Variants in LEPR observed in about 807,000 individuals in gnomAD.
LEPR encodes the protein OB receptor.
In LEPR, 56 loss-of-function variants were observed where a neutral mutation model predicts 114.7. The ratio of observed to expected loss-of-function variants is 0.49; its 90% confidence interval spans 0.39 to 0.61. The LOEUF (loss-of-function observed/expected upper bound fraction) is 0.61, where lower values mean the gene tolerates loss of function less well. LEPR is among the 20% of genes least tolerant of loss of function. The probability of loss-of-function intolerance (pLI) is 0.00; values close to 1 mark genes in which losing one functional copy is unlikely to be tolerated. For missense variants in LEPR, 1,202 were observed against 1,352.9 expected (o/e 0.89, Z 1.75); for synonymous variants, 443 against 461.4 (o/e 0.96, Z 0.51).
chr1:65,558,534 TTTTG>T (rs1653022456), intron 2 of LEPR, among the ~76,000 whole-genome samples: 5 of 60,626 alleles, frequency 8.2e-5, no homozygotes, highest in Admixed American at 2.0e-4. Context: ...AAGTTTTTTT[TTTTG>T]TTTTTTTTTT....
intron 14 of LEPR, among the ~76,000 whole-genome samples, chr1:65,613,194 T>G (rs1446493320): frequency 2.0e-5 from 3 of 152,342 alleles, no homozygotes; most frequent in Non-Finnish European, 2.9e-5. Flanking sequence ...CAATACTACT[T>G]TATTTTGTTG....
rs1018555309 is a variant in LEPR, at chr1:65,592,997, TG to T, written c.703+137del. On this transcript the variant is annotated intron_variant, in intron 6 of 19. Transcript: ENST00000349533. ...ACTGTAATGATGGTAGATGTAGTACTGGGGGTATTAAGAGTGGCTTCTAGAA... is the reference window on the plus strand; with the variant it reads ...ACTGTAATGATGGTAGATGTAGTACTGGGGTATTAAGAGTGGCTTCTAGAA... 3 of 987,844 alleles carry T rather than the reference TG, an allele frequency of 3.0e-6. No individual in the cohort carries two copies. The African/African-American group carries it at 4.9e-5, about 16-fold the overall frequency. 61.2% of individuals were successfully genotyped at this position (987,844 alleles called of 1,614,324 possible). A position where few individuals can be genotyped will look rare whatever the true frequency, so the allele number is the denominator to read the frequency against.
intron 2 of LEPR, among the ~76,000 whole-genome samples, chr1:65,515,174 C>G (rs1318692057): frequency 6.6e-6 from 1 of 152,160 alleles, no homozygotes; most frequent in Non-Finnish European, 1.5e-5. Flanking sequence ...ATAGCATGAA[C>G]AAAACCAGGA....
chr1:65,570,507 A>C lies in LEPR; in HGVS notation c.75A>C (p.Ser25=), dbSNP rs1258067883. Residue 25 remains serine, a synonymous_variant, in exon 4 of 20, where the codon TCA becomes TCC. Coordinates refer to ENST00000349533, the MANE Select transcript of LEPR (RefSeq NM_002303.6). ...ATGTGATAACTGCGTTTAACTTGTC[A>C]TATCCAATTACTCCTTGGAGATTTA... is the stretch of plus-strand genomic sequence containing the variant. ...FIYVITAFNL[S]YPITPWRFKL... is the part of the protein sequence containing the mutation. 7 of 1,613,770 alleles carry C rather than the reference A, an allele frequency of 4.3e-6. No homozygotes were observed. The African/African-American group carries it at 6.7e-5, about 15-fold the overall frequency.
At chr1:65,523,099 C>A (rs951203748) in intron 2 of LEPR, among the ~76,000 whole-genome samples, 1 of 152,118 alleles carries the variant, frequency 6.6e-6, no homozygotes, top group African/African-American at 2.4e-5. Context: ...CCTTCTCACT[C>A]GGAGCACAGT....
At chr1:65,635,668 A>G (rs1479135948) in intron 19 of LEPR, among the ~76,000 whole-genome samples, 1 of 152,160 alleles carries the variant, frequency 6.6e-6, no homozygotes, top group African/African-American at 2.4e-5. Context: ...TTATTTCACA[A>G]CATAGTTATT....
intron 2 of LEPR, among the ~76,000 whole-genome samples, chr1:65,498,719 G>A (rs1648292908): frequency 1.3e-5 from 2 of 152,054 alleles, no homozygotes; most frequent in African/African-American, 4.8e-5. Context: ...ATTCTCAAAA[G>A]CTGGAAGCCA....
chr1:65,463,571 T>A (rs980847794), intron 2 of LEPR, among the ~76,000 whole-genome samples: 2 of 152,190 alleles, frequency 1.3e-5, no homozygotes, highest in African/African-American at 4.8e-5. Context: ...AAGTCAGTGG[T>A]AGCTTGATGG....
In LEPR at chr1:65,565,532, T is replaced by A; in HGVS notation, c.-20-14T>A. ...TTTTTGTGTGTGTTCTGATTTTAGATTTACCTTTTCCAGGTGTACTTCTCT... is the reference window on the plus strand; with the variant it reads ...TTTTTGTGTGTGTTCTGATTTTAGAATTACCTTTTCCAGGTGTACTTCTCT... On this transcript the variant is annotated splice_polypyrimidine_tract_variant and intron_variant, in intron 2 of 19. Coordinates refer to ENST00000349533, the MANE Select transcript of LEPR (RefSeq NM_002303.6). 6.2e-7 allele frequency: 1 copy of A among 1,613,652 alleles called. No individual in the cohort carries two copies. The highest frequency in any genetic ancestry group is 8.5e-7 in the Non-Finnish European group (1 of 1,179,778).
intron 2 of LEPR, among the ~76,000 whole-genome samples, chr1:65,531,725 T>C (rs1449640315): frequency 6.6e-6 from 1 of 152,200 alleles, no homozygotes; most frequent in East Asian, 1.9e-4. Context: ...AACACGTTAA[T>C]TTAAAACATG....
chr1:65,597,284 C>T (rs1557685818), intron 7 of LEPR, among the ~76,000 whole-genome samples: 1 of 152,118 alleles, frequency 6.6e-6, no homozygotes, highest in Non-Finnish European at 1.5e-5. Flanking sequence ...TGCAGTGCTC[C>T]ATATACCTAT....
chr1:65,452,468 A>C (rs376137368), intron 2 of LEPR, among the ~76,000 whole-genome samples: 119 of 151,974 alleles, frequency 7.8e-4, no homozygotes, highest in African/African-American at 1.6e-3. Context: ...TACCTAATTT[A>C]TTGAGAGTTT....
intron 5 of LEPR, among the ~76,000 whole-genome samples, chr1:65,578,827 T>C (rs548707787): frequency 1.5e-3 from 229 of 152,194 alleles, no homozygotes; most frequent in Middle Eastern, 6.8e-3. Flanking sequence ...AGGGAGGAAA[T>C]ATGCACAGCT....
At chr1:65,473,609 A>G (rs1647117853) in intron 2 of LEPR, among the ~76,000 whole-genome samples, 1 of 152,202 alleles carries the variant, frequency 6.6e-6, no homozygotes, top group Non-Finnish European at 1.5e-5. Flanking sequence ...ACCTGGTTTC[A>G]ACATTCATTA....
intron 6 of LEPR, among the ~76,000 whole-genome samples, chr1:65,593,410 A>G (rs557197510): frequency 4.3e-4 from 66 of 152,222 alleles, no homozygotes; most frequent in African/African-American, 1.5e-3. Flanking sequence ...TTCTTTGTGC[A>G]AAGATCCCCC....
chr1:65,486,206 T>C (rs568212289), intron 2 of LEPR, among the ~76,000 whole-genome samples: 20 of 152,264 alleles, frequency 1.3e-4, no homozygotes, highest in Non-Finnish European at 2.9e-5. Context: ...AGAATAGATA[T>C]ATATTTTATT....
At chr1:65,566,631 G>A (rs1411440730) in intron 3 of LEPR, among the ~76,000 whole-genome samples, 1 of 152,210 alleles carries the variant, frequency 6.6e-6, no homozygotes, top group Non-Finnish European at 1.5e-5. Context: ...TAAAGTTAGA[G>A]TATCTTTAAC....
intron 2 of LEPR, among the ~76,000 whole-genome samples, chr1:65,472,794 C>T (rs1179421928): frequency 1.3e-5 from 2 of 152,076 alleles, no homozygotes; most frequent in African/African-American, 2.4e-5. Context: ...GCGCTTTGCT[C>T]AATGGGGAAT....
At chr1:65,594,360 T>C (rs1655906669) in intron 6 of LEPR, among the ~76,000 whole-genome samples, 1 of 152,034 alleles carries the variant, frequency 6.6e-6, no homozygotes, top group Non-Finnish European at 1.5e-5. Context: ...AGGTCAGAGT[T>C]ACCTGGTCCA....
Sources: gnomAD v4.1 joint callset for allele counts (sites outside exome capture counted in the v4.1 genomes callset) on GRCh38, gnomAD v4.1.1 for gene constraint, MANE v1.5 for transcripts, NCBI Gene and HGNC (gene_info 2026-07-23, HGNC 2026-07-21) for gene names.